Variants in VPS13C observed in about 807,000 individuals in gnomAD.
The protein encoded by VPS13C is vacuolar protein sorting 13 homolog C, also known as intermembrane lipid transfer protein VPS13C.
In VPS13C, 358 loss-of-function variants were observed where a neutral mutation model predicts 456.8. The ratio of observed to expected loss-of-function variants is 0.78; its 90% CI spans 0.72 to 0.86. The LOEUF (loss-of-function observed/expected upper bound fraction) is 0.86, where lower values mean the gene tolerates loss of function less well. VPS13C is among the 40% of genes least tolerant of loss of function. The pLI is 0.00. For synonymous variants in VPS13C, 1,578 were observed against 1,486.7 expected (o/e 1.06, Z -1.41); for missense variants, 4,818 against 4,385.4 (o/e 1.10, Z -2.79).
intron 8 of VPS13C, among the ~76,000 whole-genome samples, chr15:62,021,507 A>C (rs1295724659): frequency 6.6e-6 from 1 of 151,932 alleles, no homozygotes. Context: ...ACTATACCAC[A>C]GTGTGCACAG....
intron 81 of VPS13C, chr15:61,864,560 A>G (rs1336187848): frequency 1.1e-6 from 1 of 935,344 alleles, no homozygotes; most frequent in East Asian, 1.2e-4. Context: ...GGATAATATA[A>G]TCAATATAAC....
intron 6 of VPS13C, among the ~76,000 whole-genome samples, chr15:62,026,553 T>C (rs1407910296): frequency 6.6e-6 from 1 of 151,832 alleles, no homozygotes; most frequent in East Asian, 1.9e-4. Context: ...AGTGGTTTTG[T>C]TGAAGTGTCT....
intron 82 of VPS13C, among the ~76,000 whole-genome samples, chr15:61,861,031 A>G (rs8030275): frequency 0.011 from 1,535 of 135,864 alleles, 29 homozygotes; most frequent in African/African-American, 0.041. Context: ...GCACAATCTC[A>G]GCTCACTGCA....
At chr15:61,967,655 T>G (rs1201190222) in intron 28 of VPS13C, among the ~76,000 whole-genome samples, 2 of 152,042 alleles carry the variant, frequency 1.3e-5, no homozygotes, top group Non-Finnish European at 2.9e-5. Context: ...CTTAAAAACA[T>G]GCATATTTAT....
In VPS13C at chr15:62,035,002, C is replaced by A. The variant is rs116290723; in HGVS notation, c.238G>T (p.Val80Phe). The A allele has an allele frequency of 9.7e-5, 155 of 1,603,734 alleles. No individual in the cohort carries two copies. The African/African-American group carries it at 2.0e-3, about 21-fold the overall frequency. ...AGGTATAATCCTTCCAGGGTCGCAA[C>A]AACTGCTTCTCCATAAAGGTTCTTC... Reference protein sequence around the residue: ...PWKNLYGEAVVATLEGLYLLV... With the variant: ...PWKNLYGEAVFATLEGLYLLV... Residue 80 changes from valine to phenylalanine, a missense_variant, in exon 4 of 85, where the codon GTT (valine) becomes TTT (phenylalanine). Transcript: ENST00000644861.
intron 16 of VPS13C, among the ~76,000 whole-genome samples, chr15:61,996,405 T>C (rs1456947130): frequency 6.6e-6 from 1 of 152,176 alleles, no homozygotes; most frequent in East Asian, 1.9e-4. Context: ...CAGAGGATTA[T>C]AACAAGATCC....
Position 61,920,755 on chromosome 15 carries a change from G to C in VPS13C, c.7063-108C>G, listed in dbSNP as rs766578737. 6.2e-6 allele frequency: 6 copies of C among 974,418 alleles called. No homozygotes were observed. In the African/African-American group the frequency reaches 8.6e-5, roughly 14 times the overall value. The allele number at this position is 974,418 out of a possible 1,614,324, so 60.4% of individuals were successfully genotyped here. On this transcript the variant is annotated intron_variant, in intron 55 of 84. Transcript: ENST00000644861. ...ACTGATCACTTTATAGTAATGCTTC[G>C]CAAAAGTCTTATTTTCAAAAATATA...
chr15:62,022,902 T>C (rs2047511276), intron 8 of VPS13C, among the ~76,000 whole-genome samples: 1 of 151,946 alleles, frequency 6.6e-6, no homozygotes, highest in Non-Finnish European at 1.5e-5. Context: ...CTTTTGGTTA[T>C]GAGTGAAGTT....
rs567877429 is a variant in VPS13C at position 61,918,387 on chromosome 15, A to G, written c.7639-130T>C. 1.9e-5 allele frequency: 16 copies of G among 858,738 alleles called. No homozygotes were observed. The African/African-American group carries it at 2.6e-4, about 14-fold the overall frequency. 53.2% of individuals were successfully genotyped at this position (858,738 alleles called of 1,614,324 possible). On this transcript the variant is annotated intron_variant, in intron 58 of 84. Coordinates refer to ENST00000644861, the MANE Select transcript of VPS13C (RefSeq NM_020821.3). The stretch of plus-strand genomic sequence containing the variant: ...AGTATTGGAAGATATTTTTATTGGC[A>G]ATTGAAAAATTTTAGGGTATTTAAG...
At chr15:61,866,388 A>C (rs1343679519) in intron 81 of VPS13C, 5 of 983,300 alleles carry the variant, frequency 5.1e-6, no homozygotes, top group African/African-American at 1.7e-5. Flanking sequence ...GAGTTATAAA[A>C]AGATATCACA....
At chr15:61,881,274 G>C (rs1318960815) in intron 71 of VPS13C, among the ~76,000 whole-genome samples, 2 of 152,002 alleles carry the variant, frequency 1.3e-5, no homozygotes, top group Admixed American at 1.3e-4. Flanking sequence ...TTACATTAAA[G>C]AACACAGCTC....
At position 61,925,153 on chromosome 15, in the gene VPS13C, T is replaced by A. The variant is rs72747892; in HGVS notation, c.6609+303A>T. Reference sequence around the variant, plus strand: ...CTCTCCATCCCTTCTTCCCTTCTCTTCCCACCCCATATCTCTTCCCTCCTC... The same window carrying A: ...CTCTCCATCCCTTCTTCCCTTCTCTACCCACCCCATATCTCTTCCCTCCTC... On this transcript the variant is annotated intron_variant, in intron 53 of 84. Transcript: ENST00000644861. 8.9e-3 allele frequency among the ~76,000 whole-genome samples: 1,348 copies of A among 151,866 alleles called. 7 individuals carry two copies. The highest frequency in any genetic ancestry group is 0.017 in the Middle Eastern group (5 of 292).
chr15:61,920,348 C>A lies in VPS13C; in HGVS notation c.7213-17G>T. 6.4e-7 allele frequency: 1 copy of A among 1,555,234 alleles called. No homozygotes were observed. The highest frequency in any genetic ancestry group is 8.7e-7 in the Non-Finnish European group (1 of 1,150,426). The stretch of plus-strand genomic sequence containing the variant: ...TGAAAAACCCTGAAAAGGAACATAT[C>A]ATCACAGTAAAATTTTTGAAAAACA... On this transcript the variant is annotated splice_polypyrimidine_tract_variant and intron_variant, in intron 56 of 84. Coordinates refer to ENST00000644861, the MANE Select transcript of VPS13C (RefSeq NM_020821.3).
At chr15:61,868,133 ATATG>A (rs1461887011) in intron 81 of VPS13C, among the ~76,000 whole-genome samples, 6 of 152,134 alleles carry the variant, frequency 3.9e-5, no homozygotes, top group South Asian at 2.1e-4. Flanking sequence ...AGCAATTTAT[ATATG>A]TATATATTAT....
rs1427909688 is a variant in VPS13C at position 61,872,153 on chromosome 15, A to C, written c.10579-119T>G. ...ACAACAACAACAACAAAAATTGAAG[A>C]CTTAACTTGATAATGTGAACAACAT... On this transcript the variant is annotated intron_variant, in intron 78 of 84. Coordinates refer to ENST00000644861, the MANE Select transcript of VPS13C (RefSeq NM_020821.3). 9.5e-6 allele frequency: 7 copies of C among 739,536 alleles called. No individual in the cohort carries two copies. In the African/African-American group the frequency reaches 1.2e-4, roughly 13 times the overall value. The allele number at this position is 739,536 out of a possible 1,614,324, so 45.8% of individuals were successfully genotyped here. A position where few individuals can be genotyped will look rare whatever the true frequency, so the allele number is the denominator to read the frequency against.
Position 62,023,492 on chromosome 15 carries a change from T to G in VPS13C, c.543A>C (p.Thr181=), listed in dbSNP as rs1390890980. 8.8e-6 allele frequency: 14 copies of G among 1,585,598 alleles called. No individual in the cohort carries two copies. Among genetic ancestry groups the G allele is most frequent in the Non-Finnish European group, 1.0e-5 (12 of 1,169,130 alleles). Reference sequence around the variant, plus strand: ...CTTGAGTTGCCAATTTTTCCACAAATGTATCCTTTTTGGCTTCTTTTGGCT... The same window carrying G: ...CTTGAGTTGCCAATTTTTCCACAAAGGTATCCTTTTTGGCTTCTTTTGGCT... ...KDKPKEAKKD[T]FVEKLATQVI... The change falls in exon 8 of 85, where the codon ACA becomes ACC. Residue 181 remains threonine, a synonymous_variant. Coordinates refer to ENST00000644861, the MANE Select transcript of VPS13C (RefSeq NM_020821.3).
chr15:61,913,587 C>G (rs1011952245), intron 61 of VPS13C, among the ~76,000 whole-genome samples, 172 bp from the exon 62 acceptor site: 20 of 152,000 alleles, frequency 1.3e-4, no homozygotes, highest in African/African-American at 4.8e-4. Flanking sequence ...CTCTAGGGAA[C>G]AACAAAACAA....
At chr15:61,918,297 G>T (rs200565894) in intron 58 of VPS13C, 40 bp from the exon 59 acceptor site, 27 of 1,485,176 alleles carry the variant, frequency 1.8e-5, no homozygotes, top group Non-Finnish European at 2.4e-5. Context: ...TAAAAGATAT[G>T]TAAGTTCGAA....
intron 46 of VPS13C, among the ~76,000 whole-genome samples, chr15:61,941,542 GA>G (rs1293281315): frequency 1.3e-5 from 2 of 151,922 alleles, no homozygotes; most frequent in South Asian, 2.1e-4. Context: ...TTTATAGAAT[GA>G]AAAAAATCAT....
Sources: allele counts gnomAD v4.1 joint callset (sites outside exome capture counted in the v4.1 genomes callset), GRCh38; gene constraint gnomAD v4.1.1; transcripts MANE v1.5; gene names NCBI Gene and HGNC (gene_info 2026-07-23, HGNC 2026-07-21).